AGBL4: variants seen among roughly 807,000 people sequenced by gnomAD.
The protein encoded by AGBL4 is AGBL carboxypeptidase 4, also known as cytosolic carboxypeptidase 6.
In AGBL4, 58 loss-of-function variants were observed where a neutral mutation model predicts 66.4. The ratio of observed to expected loss-of-function variants is 0.87; its 90% CI spans 0.71 to 1.09. The LOEUF is 1.09. Ranked by LOEUF, AGBL4 falls within the 50% of genes least tolerant of loss-of-function variation. The probability of loss-of-function intolerance (pLI) is 0.00; values close to 1 mark genes in which losing one functional copy is unlikely to be tolerated. For synonymous variants in AGBL4, 234 were observed against 222.9 expected (o/e 1.05, Z -0.44); for missense variants, 579 against 631.0 (o/e 0.92, Z 0.88).
At chr1:49,531,612 T>C (rs1424729513) in intron 3 of AGBL4, among the ~76,000 whole-genome samples, 2 of 152,136 alleles carry the variant, frequency 1.3e-5, no homozygotes, top group African/African-American at 4.8e-5. Context: ...AGATATCATA[T>C]TGTCATCATA....
intron 6 of AGBL4, among the ~76,000 whole-genome samples, chr1:48,705,856 G>T (rs933668272): frequency 9.9e-6 from 1 of 100,694 alleles, no homozygotes; most frequent in Admixed American, 1.0e-4. Context: ...ATTGAAGATT[G>T]AACAGTGATG....
chr1:49,380,808 C>A (rs1191956979), intron 3 of AGBL4, among the ~76,000 whole-genome samples: 1 of 152,140 alleles, frequency 6.6e-6, no homozygotes, highest in African/African-American at 2.4e-5. Context: ...ACAGCTGAAA[C>A]TGGATCCCTT....
intron 2 of AGBL4, among the ~76,000 whole-genome samples, chr1:49,804,285 C>A (rs928653270): frequency 6.6e-6 from 1 of 152,106 alleles, no homozygotes; most frequent in African/African-American, 2.4e-5. Context: ...TATGCACGGA[C>A]CTTTTTTTAG....
chr1:48,684,153 C>T (rs1209467346), intron 6 of AGBL4, among the ~76,000 whole-genome samples: 1 of 152,202 alleles, frequency 6.6e-6, no homozygotes, highest in Non-Finnish European at 1.5e-5. Flanking sequence ...ACTATGACTA[C>T]AGTTAAAGAC....
chr1:48,758,973 A>T (rs780221438), intron 6 of AGBL4: 2 of 1,610,708 alleles, frequency 1.2e-6, no homozygotes, highest in Non-Finnish European at 1.7e-6. Context: ...TTTCAGACAC[A>T]AGTGCCCCGT....
chr1:48,640,098 GAGCTC>G (rs1180587213), intron 8 of AGBL4, among the ~76,000 whole-genome samples: 40 of 152,264 alleles, frequency 2.6e-4, no homozygotes, highest in Non-Finnish European at 2.2e-4. Context: ...AATTTTGCAT[GAGCTC>G]AAAATCAAGA....
intron 4 of AGBL4, among the ~76,000 whole-genome samples, chr1:49,088,781 A>C (rs1199535342): frequency 6.6e-6 from 1 of 152,148 alleles, no homozygotes; most frequent in East Asian, 1.9e-4. Flanking sequence ...CTTTCCAACC[A>C]AAACAACAGA....
intron 4 of AGBL4, among the ~76,000 whole-genome samples, chr1:49,071,106 T>G (rs998261486): frequency 6.6e-6 from 1 of 151,974 alleles, no homozygotes; most frequent in Non-Finnish European, 1.5e-5. Context: ...TTATCATTTT[T>G]TATTGCATCT....
In AGBL4 at chr1:49,944,106, T is replaced by G. The variant is rs1057152649; in HGVS notation, c.34+79657A>C. 9.2e-5 allele frequency among the ~76,000 whole-genome samples: 14 copies of G among 152,076 alleles called. No individual in the cohort carries two copies. The East Asian group carries it at 2.7e-3, about 29-fold the overall frequency. ...AGCACTGCCCCCACCTGATGGTCCTTTCCTACCCACCCTGGTAGCTGAAGA... is the reference window on the plus strand; with the variant it reads ...AGCACTGCCCCCACCTGATGGTCCTGTCCTACCCACCCTGGTAGCTGAAGA... On this transcript the variant is annotated intron_variant, in intron 1 of 13. Coordinates refer to ENST00000371839, the MANE Select transcript of AGBL4 (RefSeq NM_032785.4).
At chr1:48,747,252 A>T (rs577829688) in intron 6 of AGBL4, among the ~76,000 whole-genome samples, 30 of 149,088 alleles carry the variant, frequency 2.0e-4, no homozygotes, top group Admixed American at 1.3e-3. Context: ...ATTTTTTTTT[A>T]AAAAAGGGCT....
At chr1:49,288,973 A>G (rs1176146458) in intron 3 of AGBL4, among the ~76,000 whole-genome samples, 2 of 151,980 alleles carry the variant, frequency 1.3e-5, no homozygotes, top group Non-Finnish European at 2.9e-5. Context: ...AAATTTACAG[A>G]CATGTCAAGA....
At chr1:49,995,384 C>T (rs1456124531) in intron 1 of AGBL4, 3 of 430,098 alleles carry the variant, frequency 7.0e-6, no homozygotes, top group Non-Finnish European at 1.4e-5. Context: ...GCCTTTCCCA[C>T]TTCCCTGGCC....
At chr1:49,450,826 G>A (rs1646262423) in intron 3 of AGBL4, among the ~76,000 whole-genome samples, 1 of 152,004 alleles carries the variant, frequency 6.6e-6, no homozygotes, top group African/African-American at 2.4e-5. Context: ...AAATCTCCAA[G>A]TCTCAACAGG....
intron 3 of AGBL4, among the ~76,000 whole-genome samples, chr1:49,282,956 C>T (rs547280710): frequency 2.6e-5 from 4 of 152,222 alleles, no homozygotes; most frequent in Non-Finnish European, 5.9e-5. Context: ...GGGCGCCCGC[C>T]ATTGCCCAGG....
At chr1:49,209,760 T>C (rs972834034) in intron 4 of AGBL4, among the ~76,000 whole-genome samples, 3 of 152,060 alleles carry the variant, frequency 2.0e-5, no homozygotes, top group African/African-American at 7.2e-5. Flanking sequence ...AAACTTTACA[T>C]AGGTTTTCAG....
At chr1:48,898,637 TG>T (rs1651771332) in intron 5 of AGBL4, among the ~76,000 whole-genome samples, 1 of 107,778 alleles carries the variant, frequency 9.3e-6, no homozygotes, top group Non-Finnish European at 1.9e-5. Context: ...TCTGTTTCAT[TG>T]GTCTATGTGC....
At chr1:49,639,086 G>A (rs1284641140) in intron 3 of AGBL4, among the ~76,000 whole-genome samples, 1 of 152,116 alleles carries the variant, frequency 6.6e-6, no homozygotes, top group Non-Finnish European at 1.5e-5. Flanking sequence ...GCAGCAGTGT[G>A]CATCTATTCA....
At chr1:49,843,905 G>A (rs1571696739) in intron 2 of AGBL4, among the ~76,000 whole-genome samples, 1 of 152,154 alleles carries the variant, frequency 6.6e-6, no homozygotes, top group South Asian at 2.1e-4. Context: ...CTGGGTAGCA[G>A]GGCAAAAAGG....
chr1:49,858,929 T>G (rs1294349632), intron 1 of AGBL4, among the ~76,000 whole-genome samples: 1 of 150,592 alleles, frequency 6.6e-6, no homozygotes, highest in African/African-American at 2.5e-5. Flanking sequence ...AGCACAAGAA[T>G]CACTTGAATC....
Sources: allele counts gnomAD v4.1 joint callset (sites outside exome capture counted in the v4.1 genomes callset), GRCh38; gene constraint gnomAD v4.1.1; transcripts MANE v1.5; gene names NCBI Gene and HGNC (gene_info 2026-07-23, HGNC 2026-07-21).